RPH3A: variants seen among roughly 807,000 people sequenced by gnomAD.
The protein encoded by RPH3A is rabphilin-3A.
A neutral mutation model predicts 102.2 loss-of-function variants in RPH3A; 48 were observed. That is an observed-to-expected ratio of 0.47 (90% CI 0.37 to 0.60). The LOEUF (loss-of-function observed/expected upper bound fraction) is 0.60. Ranked by LOEUF, RPH3A falls within the 20% of genes least tolerant of loss-of-function variation. The pLI, the probability that RPH3A is intolerant of heterozygous loss-of-function variation, is 0.00. For missense variants in RPH3A, 781 were observed against 910.1 expected (o/e 0.86, Z 1.83); for synonymous variants, 310 against 324.3 (o/e 0.96, Z 0.47).
chr12:112,823,213 C>T (rs1422565598), intron 2 of RPH3A, among the ~76,000 whole-genome samples: 3 of 152,290 alleles, frequency 2.0e-5, no homozygotes, highest in East Asian at 3.9e-4. Flanking sequence ...CTTATCAGAA[C>T]CCAACAATCC....
At chr12:112,839,126 G>A (rs1451640310) in intron 4 of RPH3A, among the ~76,000 whole-genome samples, 2 of 152,124 alleles carry the variant, frequency 1.3e-5, no homozygotes, top group East Asian at 3.9e-4. Context: ...ACCAGTGAAA[G>A]TCTTTCTTTG....
rs188609911 is a variant in RPH3A at position 112,725,336 on chromosome 12, C to T, written c.-139-66807C>T. ...TTTGAGGGGGCACTTTCCCCACGAC[C>T]TCATTGTACCACTTCCCTGACTTCT... is the stretch of plus-strand genomic sequence containing the variant. On this transcript the variant is annotated intron_variant, in intron 1 of 21. Coordinates refer to the RPH3A transcript ENST00000543106. Among the ~76,000 whole-genome samples, 415 of 151,308 alleles carry T rather than the reference C, an allele frequency of 2.7e-3. 1 individual carries two copies. Among genetic ancestry groups the T allele is most frequent in the African/African-American group, 9.7e-3 (398 of 41,118 alleles).
At chr12:112,842,692 G>A (rs2042165943) in intron 4 of RPH3A, among the ~76,000 whole-genome samples, 1 of 152,200 alleles carries the variant, frequency 6.6e-6, no homozygotes, top group Non-Finnish European at 1.5e-5. Context: ...ACGAAATGTG[G>A]AGTACGTATC....
intron 1 of RPH3A, among the ~76,000 whole-genome samples, chr12:112,666,537 T>TC (rs1302205435): frequency 6.6e-6 from 1 of 152,056 alleles, no homozygotes; most frequent in Non-Finnish European, 1.5e-5. Flanking sequence ...CTGCTTTAGT[T>TC]CCCCCCTTCA....
Position 112,682,295 on chromosome 12 carries a change from G to A in RPH3A, c.-140+106976G>A, listed in dbSNP as rs1450094375. Reference sequence around the variant, plus strand: ...GAACCTGGAGTTCTGATGTTTAAGGGCAGGAGAAGATAAATGTCCCAGCTC... The same window carrying A: ...GAACCTGGAGTTCTGATGTTTAAGGACAGGAGAAGATAAATGTCCCAGCTC... On this transcript the variant is annotated intron_variant, in intron 1 of 21. Transcript: ENST00000543106. Among the ~76,000 whole-genome samples the A allele has an allele frequency of 2.6e-5, 4 of 152,118 alleles. No homozygotes were observed. In the East Asian group the frequency reaches 7.7e-4, roughly 29 times the overall value.
chr12:112,594,488 A>T (rs1021205133), intron 1 of RPH3A, among the ~76,000 whole-genome samples: 1 of 152,010 alleles, frequency 6.6e-6, no homozygotes, highest in Non-Finnish European at 1.5e-5. Context: ...CCATCTCATC[A>T]TCTATCTAAT....
At chr12:112,704,872 C>A (rs1427538453) in intron 1 of RPH3A, among the ~76,000 whole-genome samples, 1 of 152,182 alleles carries the variant, frequency 6.6e-6, no homozygotes, top group Admixed American at 6.5e-5. Context: ...TAGATTGTTA[C>A]ACAAATTTTG....
chr12:112,609,657 T>A (rs2039623158), intron 1 of RPH3A, among the ~76,000 whole-genome samples: 1 of 152,190 alleles, frequency 6.6e-6, no homozygotes, highest in Non-Finnish European at 1.5e-5. Context: ...GGATTTGGTC[T>A]GTTTGTTCAT....
At chr12:112,838,985 C>T (rs779363457) in intron 4 of RPH3A, among the ~76,000 whole-genome samples, 42 of 152,156 alleles carry the variant, frequency 2.8e-4, no homozygotes, top group South Asian at 6.2e-4. Context: ...TTGAGAAGGC[C>T]GGGGCCGGTT....
chr12:112,725,001 C>A (rs2040576980), intron 1 of RPH3A, among the ~76,000 whole-genome samples: 1 of 150,878 alleles, frequency 6.6e-6, no homozygotes, highest in Admixed American at 6.6e-5. Context: ...GTAATCCCGG[C>A]ACTTTGGGAG....
rs1555209147 is a variant in RPH3A, at chr12:112,791,867, G to GGGGAGAGAGA, written c.-284_-283insGGAGAGAGAG. The GGGGAGAGAGA allele has an allele frequency of 1.0e-4, 5 of 48,484 alleles. No individual in the cohort carries two copies. The highest frequency in any genetic ancestry group is 1.9e-4 in the African/African-American group (2 of 10,408). 3.0% of individuals were successfully genotyped at this position (48,484 alleles called of 1,614,324 possible). Reference sequence around the variant, plus strand: ...CGCGGACTGGAAAGGAAGGGAGAAGGGAGAGAGAGAGAGAGAGAGAGAGAG... The same window carrying GGGGAGAGAGA: ...CGCGGACTGGAAAGGAAGGGAGAAGGGGGAGAGAGAGAGAGAGAGAGAGAGAGAGAGAGAG... On this transcript the variant is annotated 5_prime_UTR_variant, in exon 1 of 22. Transcript: ENST00000389385.
At chr12:112,684,182 T>C (rs1394882152) in intron 1 of RPH3A, among the ~76,000 whole-genome samples, 2 of 152,182 alleles carry the variant, frequency 1.3e-5, no homozygotes, top group Non-Finnish European at 2.9e-5. Flanking sequence ...CATTCCAAAT[T>C]GCGCTCCTAA....
rs150354177 is a variant in RPH3A at position 112,691,253 on chromosome 12, C to G, written c.-139-100890C>G. Among the ~76,000 whole-genome samples the G allele has an allele frequency of 8.6e-3, 1,302 of 152,216 alleles. 18 individuals carry two copies. Among genetic ancestry groups the G allele is most frequent in the African/African-American group, 0.03 (1,249 of 41,546 alleles). On this transcript the variant is annotated intron_variant, in intron 1 of 21. Coordinates refer to the RPH3A transcript ENST00000543106. ...GGTCTCGATCTCCTGACCTCGTGAT[C>G]CGCCCGCCTCGGCCTCCCAAAGTGC...
At chr12:112,732,454 A>G (rs1173787203) in intron 1 of RPH3A, among the ~76,000 whole-genome samples, 1 of 152,174 alleles carries the variant, frequency 6.6e-6, no homozygotes. Flanking sequence ...GGTTGTAGTG[A>G]GAATTTGATG....
At chr12:112,881,648 G>C in intron 14 of RPH3A, 124 bp from the exon 15 acceptor site, 1 of 589,248 alleles carries the variant, frequency 1.7e-6, no homozygotes, top group Non-Finnish European at 3.0e-6. Flanking sequence ...TCTCTCTTTG[G>C]AGGAGGAAGC....
chr12:112,601,038 TG>T (rs1177258528), intron 1 of RPH3A, among the ~76,000 whole-genome samples: 5 of 152,068 alleles, frequency 3.3e-5, no homozygotes, highest in Admixed American at 6.6e-5. Context: ...GAGAACAACA[TG>T]GGGGGAACCG....
At chr12:112,755,581 T>C (rs1362890509) in intron 1 of RPH3A, among the ~76,000 whole-genome samples, 1 of 152,186 alleles carries the variant, frequency 6.6e-6, no homozygotes, top group Non-Finnish European at 1.5e-5. Context: ...GATCTTGCCC[T>C]CTTGAGCTCC....
In RPH3A at chr12:112,828,440, T is replaced by A; in HGVS notation, c.71+51T>A. 4 of 1,353,156 alleles carry A rather than the reference T, an allele frequency of 3.0e-6. 1 individual carries two copies. The South Asian group carries it at 3.8e-5, about 13-fold the overall frequency. The allele number at this position is 1,353,156 out of a possible 1,614,324, so 83.8% of individuals were successfully genotyped here. On this transcript the variant is annotated intron_variant, in intron 3 of 21. Transcript: ENST00000389385. ...TGGCTTGTTTTGAGTCGATGAGGTT[T>A]TGACAATTCTACACTTGAAAAAAAG...
At chr12:112,796,171 G>A (rs548723119) in intron 2 of RPH3A, among the ~76,000 whole-genome samples, 1 of 152,282 alleles carries the variant, frequency 6.6e-6, no homozygotes, top group South Asian at 2.1e-4. Flanking sequence ...TCATGAGCCT[G>A]GGGGGTAGGC....
Sources: gnomAD v4.1 joint callset for allele counts (sites outside exome capture counted in the v4.1 genomes callset) on GRCh38, gnomAD v4.1.1 for gene constraint, MANE v1.5 for transcripts, NCBI Gene and HGNC (gene_info 2026-07-23, HGNC 2026-07-21) for gene names.